FBXO38: variants seen among roughly 807,000 people sequenced by gnomAD.
FBXO38 encodes the protein F-box only protein 38.
FBXO38 carries 53 observed loss-of-function variants against 131.9 expected under a neutral mutation model. That is an observed-to-expected ratio of 0.40 (90% CI 0.32 to 0.51). The LOEUF (loss-of-function observed/expected upper bound fraction) is 0.51, where lower values mean the gene tolerates loss of function less well. FBXO38 is among the 20% of genes least tolerant of loss of function. FBXO38 has a pLI of 0.53. For synonymous variants in FBXO38, 452 were observed against 505.6 expected (o/e 0.89, Z 1.42); for missense variants, 1,076 against 1,475.6 (o/e 0.73, Z 4.44).
At chr5:148,400,954 A>G (rs866254247) in intron 3 of FBXO38, among the ~76,000 whole-genome samples, 15 of 152,316 alleles carry the variant, frequency 9.8e-5, no homozygotes, top group Middle Eastern at 3.4e-3. Flanking sequence ...CAAGAAAGTA[A>G]TAAGAACTGT....
intron 15 of FBXO38, chr5:148,430,099 A>G (rs1055051218): frequency 6.6e-6 from 1 of 150,554 alleles, no homozygotes; most frequent in Non-Finnish European, 1.5e-5. Context: ...TCCCTTTTGG[A>G]AAAAACAAGA....
chr5:148,420,639 A>G (rs1253227952), intron 12 of FBXO38, among the ~76,000 whole-genome samples: 1 of 152,166 alleles, frequency 6.6e-6, no homozygotes, highest in African/African-American at 2.4e-5. Flanking sequence ...ATACAGCGTC[A>G]TTCCCTCATC....
intron 13 of FBXO38, among the ~76,000 whole-genome samples, chr5:148,425,285 T>C (rs1186610236): frequency 6.6e-6 from 1 of 152,234 alleles, no homozygotes; most frequent in Non-Finnish European, 1.5e-5. Flanking sequence ...AATTTGCCTT[T>C]GGAAATGCAT....
At chr5:148,438,173 C>T (rs1381046717) in intron 17 of FBXO38, among the ~76,000 whole-genome samples, 159 bp from the exon 18 acceptor site, 1 of 151,998 alleles carries the variant, frequency 6.6e-6, no homozygotes, top group Non-Finnish European at 1.5e-5. Context: ...TGAACAGAAC[C>T]ACATTTTCAA....
chr5:148,420,276 C>T (rs986168079), intron 12 of FBXO38, among the ~76,000 whole-genome samples: 2 of 151,764 alleles, frequency 1.3e-5, no homozygotes, highest in Non-Finnish European at 2.9e-5. Flanking sequence ...ACGCGTGACA[C>T]CACTCTCAGC....
chr5:148,404,636 A>AT, intron 5 of FBXO38, 49 bp from the exon 6 acceptor site: 1 of 1,487,484 alleles, frequency 6.7e-7, no homozygotes. Context: ...AATATAGTAT[A>AT]TTTTTGTGAT....
chr5:148,389,705 A>G (rs1190858690), intron 1 of FBXO38: 1 of 152,180 alleles, frequency 6.6e-6, no homozygotes, highest in Non-Finnish European at 1.5e-5. Context: ...AACTAAAAAG[A>G]AAAGCAAATA....
At chr5:148,394,299 A>G (rs979092706) in intron 1 of FBXO38, among the ~76,000 whole-genome samples, 5 of 152,118 alleles carry the variant, frequency 3.3e-5, no homozygotes, top group African/African-American at 1.2e-4. Flanking sequence ...TCTCCTTTCC[A>G]CTATGTTAGG....
intron 14 of FBXO38, 139 bp from the exon 15 acceptor site, chr5:148,427,073 AT>A: frequency 9.4e-6 from 9 of 962,098 alleles, no homozygotes; most frequent in Non-Finnish European, 1.4e-5. Flanking sequence ...CAGCTCAGTG[AT>A]GTGATCACAG....
intron 1 of FBXO38, among the ~76,000 whole-genome samples, chr5:148,387,276 A>G (rs1247458152): frequency 3.3e-5 from 5 of 152,208 alleles, no homozygotes; most frequent in African/African-American, 7.2e-5. Context: ...AGTAGATTTC[A>G]TCTCAACAAA....
At chr5:148,440,767 T>TA (rs1561550050) in intron 20 of FBXO38, among the ~76,000 whole-genome samples, 1 of 152,088 alleles carries the variant, frequency 6.6e-6, no homozygotes, top group African/African-American at 2.4e-5. Flanking sequence ...TTACACTTTT[T>TA]AAAAAAAGAA....
At chr5:148,431,663 G>A (rs533922344) in intron 15 of FBXO38, among the ~76,000 whole-genome samples, 5 of 152,312 alleles carry the variant, frequency 3.3e-5, no homozygotes, top group Admixed American at 3.3e-4. Context: ...GGTTTTAAAA[G>A]GATTGTGAAT....
chr5:148,400,919 C>T (rs1427324397), intron 3 of FBXO38, among the ~76,000 whole-genome samples: 2 of 151,962 alleles, frequency 1.3e-5, no homozygotes, highest in South Asian at 2.1e-4. Flanking sequence ...CACATTGAAT[C>T]GTTCAGTCAT....
At chr5:148,407,815 C>G (rs1752523615) in intron 7 of FBXO38, among the ~76,000 whole-genome samples, 1 of 151,926 alleles carries the variant, frequency 6.6e-6, no homozygotes, top group Admixed American at 6.6e-5. Flanking sequence ...GTCCCAGCTA[C>G]TCGGGAGGCT....
intron 2 of FBXO38, among the ~76,000 whole-genome samples, chr5:148,398,254 G>T (rs1323929264): frequency 6.6e-6 from 1 of 152,188 alleles, no homozygotes; most frequent in African/African-American, 2.4e-5. Context: ...ATTAATCTAG[G>T]CATGTGTGGA....
At chr5:148,436,798 A>G (rs951081984) in intron 17 of FBXO38, among the ~76,000 whole-genome samples, 8 of 152,234 alleles carry the variant, frequency 5.3e-5, no homozygotes, top group African/African-American at 1.9e-4. Flanking sequence ...CTGAAGTAGT[A>G]GTACTTTTCT....
intron 8 of FBXO38, chr5:148,410,331 C>G (rs1018510486): frequency 4.9e-5 from 17 of 348,404 alleles, no homozygotes; most frequent in Middle Eastern, 8.0e-4. Context: ...TCACTAGATC[C>G]AATGGTTTTA....
intron 18 of FBXO38, among the ~76,000 whole-genome samples, chr5:148,439,162 C>T (rs1310736557): frequency 1.3e-5 from 2 of 151,948 alleles, no homozygotes; most frequent in African/African-American, 2.4e-5. Context: ...CGCAGATGGC[C>T]GAGTGAGATT....
chr5:148,395,465 A>T (rs1027777041), intron 2 of FBXO38, among the ~76,000 whole-genome samples: 1 of 122,308 alleles, frequency 8.2e-6, no homozygotes, highest in African/African-American at 4.0e-5. Context: ...ACCGCATTAT[A>T]ACAACTGTTT....
Sources: allele counts gnomAD v4.1 joint callset (sites outside exome capture counted in the v4.1 genomes callset), GRCh38; gene constraint gnomAD v4.1.1; transcripts MANE v1.5; gene names NCBI Gene and HGNC (gene_info 2026-07-23, HGNC 2026-07-21).